Variants in TTC39C observed in about 807,000 individuals in gnomAD.
TTC39C encodes tetratricopeptide repeat protein 39C.
A neutral mutation model predicts 76.3 loss-of-function variants in TTC39C; 33 were observed. The ratio of observed to expected loss-of-function variants is 0.43; its 90% CI spans 0.33 to 0.58. The LOEUF is 0.58. Ranked by LOEUF, TTC39C falls within the 20% of genes least tolerant of loss-of-function variation. TTC39C has a pLI of 0.04. For synonymous variants in TTC39C, 254 were observed against 260.6 expected (o/e 0.97, Z 0.24); for missense variants, 595 against 701.4 (o/e 0.85, Z 1.71).
chr18:24,079,032 T>C (rs2084342582), intron 4 of TTC39C, among the ~76,000 whole-genome samples: 2 of 152,230 alleles, frequency 1.3e-5, no homozygotes, highest in African/African-American at 4.8e-5. Flanking sequence ...TTATTTCATA[T>C]ATTTTCTGAA....
intron 1 of TTC39C, among the ~76,000 whole-genome samples, chr18:24,027,591 G>A (rs957834280): frequency 1.4e-5 from 2 of 145,668 alleles, no homozygotes; most frequent in African/African-American, 5.1e-5. Context: ...ATAGGGCCTC[G>A]CTCTGTCAAC....
chr18:24,073,894 A>G (rs747923141), intron 4 of TTC39C, among the ~76,000 whole-genome samples: 3 of 152,236 alleles, frequency 2.0e-5, no homozygotes, highest in Non-Finnish European at 4.4e-5. Flanking sequence ...AGCAATACTC[A>G]TATTTATTTA....
At chr18:24,022,064 G>A (rs1014703500) in intron 1 of TTC39C, among the ~76,000 whole-genome samples, 5 of 152,046 alleles carry the variant, frequency 3.3e-5, no homozygotes, top group Middle Eastern at 3.2e-3. Context: ...TCTTGTGTAC[G>A]TCAATGTAAA....
intron 6 of TTC39C, among the ~76,000 whole-genome samples, chr18:24,086,800 A>C (rs2084445303): frequency 1.3e-5 from 2 of 152,168 alleles, no homozygotes; most frequent in Admixed American, 1.3e-4. Flanking sequence ...GGGGGAATGA[A>C]TGTGTGAATA....
At chr18:24,046,559 A>C (rs1258217624) in intron 1 of TTC39C, among the ~76,000 whole-genome samples, 1 of 151,854 alleles carries the variant, frequency 6.6e-6, no homozygotes, top group African/African-American at 2.4e-5. Context: ...GCATTACCTT[A>C]GTTATGACTT....
intron 6 of TTC39C, among the ~76,000 whole-genome samples, chr18:24,083,828 A>G (rs1293910332): frequency 1.3e-5 from 2 of 152,322 alleles, no homozygotes; most frequent in South Asian, 2.1e-4. Flanking sequence ...AAACTATAAG[A>G]AATTAATCAT....
At chr18:24,092,250 A>C (rs2084532140) in intron 6 of TTC39C, among the ~76,000 whole-genome samples, 1 of 152,190 alleles carries the variant, frequency 6.6e-6, no homozygotes, top group African/African-American at 2.4e-5. Context: ...AGCTAACTAC[A>C]GTAGGCAAGA....
At chr18:24,002,452 T>G (rs1291527618) in intron 1 of TTC39C, among the ~76,000 whole-genome samples, 1 of 152,160 alleles carries the variant, frequency 6.6e-6, no homozygotes, top group Non-Finnish European at 1.5e-5. Context: ...CAGCAGCCAT[T>G]TAATGTTTTA....
At chr18:24,012,606 A>G (rs554827627), upstream of TTC39C, among the ~76,000 whole-genome samples, 9 of 152,148 alleles carry the variant, frequency 5.9e-5, no homozygotes, top group East Asian at 1.7e-3. Context: ...CAGTTGGGGG[A>G]CTGCAGGCTA....
intron 6 of TTC39C, among the ~76,000 whole-genome samples, chr18:24,109,279 C>A (rs1599334122): frequency 6.6e-6 from 1 of 151,612 alleles, no homozygotes; most frequent in Non-Finnish European, 1.5e-5. Context: ...TTGCTTGAGC[C>A]CAGAAGTTCA....
intron 1 of TTC39C, among the ~76,000 whole-genome samples, chr18:24,023,352 G>A (rs889803098): frequency 4.6e-5 from 7 of 152,178 alleles, no homozygotes; most frequent in African/African-American, 1.7e-4. Context: ...GAGTAAGGGC[G>A]ATGGGAAGCA....
At chr18:24,118,374 A>G in intron 8 of TTC39C, 142 bp downstream of exon 8, 1 of 621,860 alleles carries the variant, frequency 1.6e-6, no homozygotes, top group African/African-American at 1.8e-5. Context: ...TGTTTTGTGC[A>G]ACCAAGTAAA....
chr18:24,004,699 C>T (rs2083338859), intron 1 of TTC39C, among the ~76,000 whole-genome samples: 1 of 152,170 alleles, frequency 6.6e-6, no homozygotes, highest in South Asian at 2.1e-4. Flanking sequence ...TACAACTGTT[C>T]CTAGGCAAGG....
intron 1 of TTC39C, among the ~76,000 whole-genome samples, chr18:24,027,838 G>A (rs2083617645): frequency 6.6e-6 from 1 of 152,094 alleles, no homozygotes; most frequent in Non-Finnish European, 1.5e-5. Flanking sequence ...AGGATTACAG[G>A]GTGAGCCACT....
intron 1 of TTC39C, among the ~76,000 whole-genome samples, chr18:24,059,391 G>A (rs1040813304): frequency 6.6e-6 from 1 of 151,942 alleles, no homozygotes; most frequent in Non-Finnish European, 1.5e-5. Flanking sequence ...GTAGGCCTCC[G>A]TGTCTGTTGT....
At position 24,083,059 on chromosome 18, in the gene TTC39C, A is replaced by G; in HGVS notation, c.962A>G (p.Lys321Arg). Residue 321 changes from lysine to arginine, a missense_variant, in exon 6 of 14, where the codon AAG (lysine) becomes AGG (arginine). Physicochemically the swap from Lys to Arg is conservative, Grantham distance 26. Coordinates refer to ENST00000317571, the MANE Select transcript of TTC39C (RefSeq NM_001135993.2). ...YPNSSLFMFF[K>R]GRIQRLECQI... ...AATTCTTCCCTCTTTATGTTTTTCA[A>G]GGGACGGATACAACGACTAGAGGTA... is the stretch of plus-strand genomic sequence containing the variant. 3 of 1,614,022 alleles carry G rather than the reference A, an allele frequency of 1.9e-6. No homozygotes were observed. The highest frequency in any genetic ancestry group is 2.5e-6 in the Non-Finnish European group (3 of 1,179,932).
chr18:24,134,419 A>C lies in TTC39C; in HGVS notation c.*1845A>C, dbSNP rs549356829. The C allele has an allele frequency of 1.3e-5, 2 of 151,544 alleles. No individual in the cohort carries two copies. The highest frequency in any genetic ancestry group is 2.9e-5 in the Non-Finnish European group (2 of 67,924). The allele number at this position is 151,544 out of a possible 1,614,324, so 9.4% of individuals were successfully genotyped here. A position where few individuals can be genotyped will look rare whatever the true frequency, so the allele number is the denominator to read the frequency against. ...CTCCCAAGTAGCTGGGACTACAGGC[A>C]CCCGCAACCACACCCGGCTAATTTT... On this transcript the variant is annotated 3_prime_UTR_variant, in exon 14 of 14. Transcript: ENST00000317571.
At chr18:24,032,487 C>T (rs886730267) in intron 1 of TTC39C, among the ~76,000 whole-genome samples, 4 of 152,140 alleles carry the variant, frequency 2.6e-5, no homozygotes, top group Non-Finnish European at 4.4e-5. Context: ...GGAATATTTG[C>T]TTATACATAA....
intron 1 of TTC39C, among the ~76,000 whole-genome samples, chr18:24,055,628 G>C (rs894221524): frequency 6.6e-6 from 1 of 152,072 alleles, no homozygotes; most frequent in Non-Finnish European, 1.5e-5. Flanking sequence ...ATGTATTCTG[G>C]ATATTAACCC....
Sources: allele counts gnomAD v4.1 joint callset (sites outside exome capture counted in the v4.1 genomes callset), GRCh38; gene constraint gnomAD v4.1.1; transcripts MANE v1.5; gene names NCBI Gene and HGNC (gene_info 2026-07-23, HGNC 2026-07-21).